Variants in OTUD6B observed in about 807,000 individuals in gnomAD.
The protein encoded by OTUD6B is deubiquitinase OTUD6B.
Under a neutral mutation model 36.9 loss-of-function variants are expected in OTUD6B, and 41 were observed. That is an observed-to-expected ratio of 1.11 (90% CI 0.87 to 1.44). The LOEUF is 1.44. Among genes scored for constraint, OTUD6B ranks in the 40% most tolerant of loss-of-function variants. The pLI is 0.00. For synonymous variants in OTUD6B, 114 were observed against 114.2 expected (o/e 1.00, Z 0.01); for missense variants, 356 against 344.8 (o/e 1.03, Z -0.26).
rs1813012982 is a variant in OTUD6B at position 91,086,237 on chromosome 8, T to G, written c.*1369T>G. On this transcript the variant is annotated 3_prime_UTR_variant, in exon 7 of 7. Coordinates refer to ENST00000404789, the MANE Select transcript of OTUD6B (RefSeq NM_016023.5). Reference sequence around the variant, plus strand: ...TTGCTCCATGAGTACAACTAATTTTTATAAGTAAATATTGGGTTTATATGA... The same window carrying G: ...TTGCTCCATGAGTACAACTAATTTTGATAAGTAAATATTGGGTTTATATGA... The G allele has an allele frequency of 6.6e-6, 1 of 152,080 alleles. No homozygotes were observed. The highest frequency in any genetic ancestry group is 2.1e-4 in the South Asian group (1 of 4,836). The allele number at this position is 152,080 out of a possible 1,614,324, so 9.4% of individuals were successfully genotyped here.
rs553745591 is a variant in OTUD6B, at chr8:91,076,000, GAA to G, written c.315+2091_315+2092del. 2.7e-3 allele frequency among the ~76,000 whole-genome samples: 413 copies of G among 152,170 alleles called. 2 individuals carry two copies. Among genetic ancestry groups the G allele is most frequent in the Admixed American group, 6.3e-3 (96 of 15,278 alleles). On this transcript the variant is annotated intron_variant, in intron 3 of 6. Coordinates refer to ENST00000404789, the MANE Select transcript of OTUD6B (RefSeq NM_016023.5). ...AACTTACAAACTTTTTGATATGAGA[GAA>G]AGAGTCTAAAATAGAACTTAGAAGA...
At chr8:91,076,199 T>C (rs541182248) in intron 3 of OTUD6B, among the ~76,000 whole-genome samples, 61 of 152,146 alleles carry the variant, frequency 4.0e-4, no homozygotes, top group African/African-American at 1.4e-3. Flanking sequence ...TTCTTTGTTA[T>C]ATTACTATAT....
intron 2 of OTUD6B, among the ~76,000 whole-genome samples, chr8:91,071,954 C>T (rs1051318549): frequency 2.0e-5 from 3 of 152,090 alleles, no homozygotes; most frequent in Non-Finnish European, 4.4e-5. Flanking sequence ...ATATATAATA[C>T]GATACAAATA....
rs1264322656 is a variant in OTUD6B at position 91,086,867 on chromosome 8, T to G, written c.*1999T>G. ...GCATATGCTAATTTACTTTTTCATA[T>G]GATGATGGTCTAATGGAAGTTACAT... is the stretch of plus-strand genomic sequence containing the variant. On this transcript the variant is annotated 3_prime_UTR_variant, in exon 7 of 7. Coordinates refer to ENST00000404789, the MANE Select transcript of OTUD6B (RefSeq NM_016023.5). The G allele has an allele frequency of 6.6e-6, 1 of 152,102 alleles. No individual in the cohort carries two copies. Among genetic ancestry groups the G allele is most frequent in the East Asian group, 1.9e-4 (1 of 5,198 alleles). The allele number at this position is 152,102 out of a possible 1,614,324, so 9.4% of individuals were successfully genotyped here.
At chr8:91,073,659 C>A in intron 2 of OTUD6B, 172 bp from the exon 3 acceptor site, 1 of 619,946 alleles carries the variant, frequency 1.6e-6, no homozygotes, top group Non-Finnish European at 2.0e-6. Context: ...AAAGAAACTT[C>A]TTGGGAACTT....
Position 91,083,870 on chromosome 8 carries a change from G to T in OTUD6B, c.691-138G>T, listed in dbSNP as rs78521545. 1.1e-3 allele frequency: 933 copies of T among 837,070 alleles called. 11 individuals carry two copies. The East Asian group carries it at 0.024, about 22-fold the overall frequency. The allele number at this position is 837,070 out of a possible 1,614,324, so 51.9% of individuals were successfully genotyped here. On this transcript the variant is annotated intron_variant, in intron 5 of 6. Transcript: ENST00000404789. ...TATTTATTCAACAGATATTTATTAAGTGCCCAGTATATACCAGGCTCTCTG... is the reference window on the plus strand; with the variant it reads ...TATTTATTCAACAGATATTTATTAATTGCCCAGTATATACCAGGCTCTCTG...
chr8:91,084,136 C>T lies in OTUD6B; in HGVS notation c.797+22C>T, dbSNP rs1345849906. On this transcript the variant is annotated intron_variant, in intron 6 of 6. Transcript: ENST00000404789. ...TTGTGTAAGTACCTAGACATTTTTACTGTTTTATTTTTCACAATTAATACA... is the reference window on the plus strand; with the variant it reads ...TTGTGTAAGTACCTAGACATTTTTATTGTTTTATTTTTCACAATTAATACA... 4 of 1,304,758 alleles carry T rather than the reference C, an allele frequency of 3.1e-6. No individual in the cohort carries two copies. The East Asian group carries it at 1.0e-4, about 33-fold the overall frequency. The allele number at this position is 1,304,758 out of a possible 1,614,324, so 80.8% of individuals were successfully genotyped here.
chr8:91,071,418 G>C, intron 2 of OTUD6B, 129 bp downstream of exon 2: 1 of 720,818 alleles, frequency 1.4e-6, no homozygotes, highest in Non-Finnish European at 2.1e-6. Flanking sequence ...GCTCAATCTT[G>C]GCTCACTGCA....
chr8:91,072,026 G>C (rs1426482940), intron 2 of OTUD6B, among the ~76,000 whole-genome samples: 1 of 152,132 alleles, frequency 6.6e-6, no homozygotes, highest in Non-Finnish European at 1.5e-5. Flanking sequence ...AGTCATTTTT[G>C]TTATAAAAGT....
rs184892188 is a variant in OTUD6B, at chr8:91,074,703, C to T, written c.315+792C>T. Among the ~76,000 whole-genome samples the T allele has an allele frequency of 1.1e-4, 17 of 152,030 alleles. 1 individual carries two copies. The East Asian group carries it at 2.5e-3, about 22-fold the overall frequency. On this transcript the variant is annotated intron_variant, in intron 3 of 6. Coordinates refer to ENST00000404789, the MANE Select transcript of OTUD6B (RefSeq NM_016023.5). Reference sequence around the variant, plus strand: ...TGATTAAATTCAGTCTTTTTAGTTGCGAGTATTATTTTATTAACACTTGAT... The same window carrying T: ...TGATTAAATTCAGTCTTTTTAGTTGTGAGTATTATTTTATTAACACTTGAT...
chr8:91,071,773 A>C (rs1403826888), intron 2 of OTUD6B, among the ~76,000 whole-genome samples: 4 of 152,214 alleles, frequency 2.6e-5, no homozygotes, highest in Non-Finnish European at 5.9e-5. Context: ...TGTTTCTATA[A>C]GGGAGATCGG....
intron 3 of OTUD6B, among the ~76,000 whole-genome samples, chr8:91,077,555 C>G (rs1350551158): frequency 6.6e-6 from 1 of 151,928 alleles, no homozygotes; most frequent in Non-Finnish European, 1.5e-5. Context: ...TATACACCTC[C>G]TGTCTATTCT....
In OTUD6B at chr8:91,078,667, A is replaced by C; in HGVS notation, c.627A>C (p.Pro209=). The change falls in exon 4 of 7, where the codon CCA becomes CCC. Residue 209 remains proline, a splice_region_variant and synonymous_variant. Coordinates refer to ENST00000404789, the MANE Select transcript of OTUD6B (RefSeq NM_016023.5). ...TNPNTGDMYT[P]EEFQKYCEDI... Reference sequence around the variant, plus strand: ...CTAATACAGGAGATATGTATACTCCAGGTAATTTATTTTTCTTTACTATGT... The same window carrying C: ...CTAATACAGGAGATATGTATACTCCCGGTAATTTATTTTTCTTTACTATGT... 6.6e-7 allele frequency: 1 copy of C among 1,525,364 alleles called. No homozygotes were observed. The highest frequency in any genetic ancestry group is 1.2e-5 in the South Asian group (1 of 81,398). The allele number at this position is 1,525,364 out of a possible 1,614,324, so 94.5% of individuals were successfully genotyped here. A position where few individuals can be genotyped will look rare whatever the true frequency, so the allele number is the denominator to read the frequency against.
rs535515362 is a variant in OTUD6B at position 91,075,961 on chromosome 8, TA to T, written c.315+2051del. Among the ~76,000 whole-genome samples, 5 of 152,232 alleles carry T rather than the reference TA, an allele frequency of 3.3e-5. No homozygotes were observed. In the South Asian group the frequency reaches 6.2e-4, roughly 19 times the overall value. ...TCTTATTTTTAGTCTAGAAAAACAG[TA>T]TTTTATTCAAAGAACTTACAAACTT... On this transcript the variant is annotated intron_variant, in intron 3 of 6. Transcript: ENST00000404789.
chr8:91,076,673 C>G, intron 3 of OTUD6B: 2 of 1,440,562 alleles, frequency 1.4e-6, no homozygotes, highest in African/African-American at 1.4e-5. Flanking sequence ...GGAAATCTTT[C>G]TGCGTGCTGT....
intron 1 of OTUD6B, 129 bp downstream of exon 1, chr8:91,070,595 G>A (rs981002202): frequency 8.4e-6 from 7 of 836,050 alleles, no homozygotes; most frequent in Non-Finnish European, 1.3e-5. Flanking sequence ...GTAGCAAGTG[G>A]CCTCTTCTCT....
intron 3 of OTUD6B, chr8:91,076,454 A>G: frequency 7.0e-7 from 1 of 1,429,110 alleles, no homozygotes; most frequent in South Asian, 1.2e-5. Flanking sequence ...ATGAAGGGAA[A>G]AAAATGAAAT....
At chr8:91,084,174 A>T (rs1476382942) in intron 6 of OTUD6B, 60 bp downstream of exon 6, 2 of 1,014,698 alleles carry the variant, frequency 2.0e-6, no homozygotes, top group Non-Finnish European at 2.9e-6. Context: ...AAGGAATATT[A>T]AAAAATTTAG....
intron 5 of OTUD6B, among the ~76,000 whole-genome samples, chr8:91,081,530 A>G (rs535596827): frequency 3.3e-5 from 5 of 151,590 alleles, no homozygotes; most frequent in Non-Finnish European, 7.4e-5. Context: ...CATCCTCCCA[A>G]GCTTGAGTTT....
Sources: allele counts gnomAD v4.1 joint callset (sites outside exome capture counted in the v4.1 genomes callset), GRCh38; gene constraint gnomAD v4.1.1; transcripts MANE v1.5; gene names NCBI Gene and HGNC (gene_info 2026-07-23, HGNC 2026-07-21).